Variants in EZH1 observed in about 807,000 individuals in gnomAD.
EZH1 encodes enhancer of zeste 1 polycomb repressive complex 2 subunit.
Under a neutral mutation model 100.5 loss-of-function variants are expected in EZH1, and 33 were observed. The ratio of observed to expected loss-of-function variants is 0.33; its 90% CI spans 0.25 to 0.44. EZH1 has a LOEUF of 0.44. Among genes scored for constraint, EZH1 ranks in the 20% least tolerant of loss-of-function variants. The pLI, the probability that EZH1 is intolerant of heterozygous loss-of-function variation, is 1.00. For missense variants in EZH1, 475 were observed against 928.4 expected (o/e 0.51, Z 6.35); for synonymous variants, 272 against 313.8 (o/e 0.87, Z 1.41).
intron 11 of EZH1, 112 bp from the exon 12 acceptor site, chr17:42,712,597 G>T: frequency 9.1e-7 from 1 of 1,093,508 alleles, no homozygotes; most frequent in Non-Finnish European, 1.3e-6. Flanking sequence ...GAACAGTTAG[G>T]AATGAAAATA....
At chr17:42,709,130 C>A in intron 13 of EZH1, 1 of 585,234 alleles carries the variant, frequency 1.7e-6, no homozygotes, top group Non-Finnish European at 3.1e-6. Flanking sequence ...AAACACAACC[C>A]CTCCCAAACA....
At chr17:42,734,540 T>A (rs1010097464) in intron 1 of EZH1, among the ~76,000 whole-genome samples, 1 of 151,828 alleles carries the variant, frequency 6.6e-6, no homozygotes. Context: ...AGCCTGTGCC[T>A]GCAGTCAGTC....
At position 42,701,926 on chromosome 17, in the gene EZH1, T is replaced by A. The variant is rs1341004910; in HGVS notation, c.*606A>T. 1 of 152,180 alleles carries A rather than the reference T, an allele frequency of 6.6e-6. No homozygotes were observed. The highest frequency in any genetic ancestry group is 2.4e-5 in the African/African-American group (1 of 41,380). The allele number at this position is 152,180 out of a possible 1,614,324, so 9.4% of individuals were successfully genotyped here. A position where few individuals can be genotyped will look rare whatever the true frequency, so the allele number is the denominator to read the frequency against. On this transcript the variant is annotated 3_prime_UTR_variant, in exon 21 of 21. Transcript: ENST00000428826. ...TAGCTTTCCTTCCCCCAGCCTTGAATGCCTGTACTTAGAACCCACACTCTT... is the reference window on the plus strand; with the variant it reads ...TAGCTTTCCTTCCCCCAGCCTTGAAAGCCTGTACTTAGAACCCACACTCTT...
intron 14 of EZH1, among the ~76,000 whole-genome samples, chr17:42,708,512 A>G (rs2053407770): frequency 6.6e-6 from 1 of 152,084 alleles, no homozygotes; most frequent in Non-Finnish European, 1.5e-5. Context: ...AAAATTAGCC[A>G]GGCATGGTGG....
chr17:42,724,447 G>C, intron 4 of EZH1, 23 bp from the exon 5 acceptor site: 1 of 1,611,396 alleles, frequency 6.2e-7, no homozygotes, highest in Non-Finnish European at 8.5e-7. Flanking sequence ...CAATGACATG[G>C]AGAGGGAAAG....
intron 10 of EZH1, chr17:42,714,645 T>C: frequency 3.6e-6 from 1 of 278,556 alleles, no homozygotes; most frequent in South Asian, 3.8e-5. Flanking sequence ...AAAGCTCAAT[T>C]TAAAAATGAA....
At position 42,706,110 on chromosome 17, in the gene EZH1, C is replaced by T; in HGVS notation, c.1736G>A (p.Arg579Gln). 1 of 1,614,084 alleles carries T rather than the reference C, an allele frequency of 6.2e-7. No individual in the cohort carries two copies. Among genetic ancestry groups the T allele is most frequent in the Non-Finnish European group, 8.5e-7 (1 of 1,180,018 alleles). The change falls in exon 16 of 21, where the codon CGA becomes CAA. Residue 579 changes from arginine to glutamine, a missense_variant. By Grantham distance (43) the Arg-to-Gln change is conservative. This residue lies in a region of EZH1 where 17 missense variants were observed against 75.8 expected (regional missense o/e 0.22). Coordinates refer to ENST00000428826, the MANE Select transcript of EZH1 (RefSeq NM_001991.5). This position sits in a 1 kb window ranked among gnomAD's most constrained non-coding sequence, Gnocchi z 4.4. Reference sequence around the variant, plus strand: ...GAGACACAGGTCAGGGTCACATTCTCGCACTGCCAGATAGCAAGGACATTG... The same window carrying T: ...GAGACACAGGTCAGGGTCACATTCTTGCACTGCCAGATAGCAAGGACATTG... The part of the protein sequence containing the change: ...TKQCPCYLAV[R>Q]ECDPDLCLTC...
chr17:42,708,578 C>T (rs1382547158), intron 14 of EZH1, among the ~76,000 whole-genome samples: 1 of 152,180 alleles, frequency 6.6e-6, no homozygotes, highest in African/African-American at 2.4e-5. Context: ...TTGCTTGAAC[C>T]CGGGAGGCGG....
At chr17:42,736,765 C>T (rs12452287) in intron 1 of EZH1, among the ~76,000 whole-genome samples, 53,977 of 151,726 alleles carry the variant, frequency 0.36, 11,816 homozygotes, top group Non-Finnish European at 0.5. Context: ...CCTAGCAGGG[C>T]AGAGATTGCA....
At chr17:42,736,671 C>T (rs953690270) in intron 1 of EZH1, among the ~76,000 whole-genome samples, 2 of 151,890 alleles carry the variant, frequency 1.3e-5, no homozygotes, top group South Asian at 2.1e-4. Context: ...CTCATCTCTA[C>T]AAAAATACAA....
Position 42,701,544 on chromosome 17 carries a change from T to C in EZH1, c.*988A>G, listed in dbSNP as rs2053240329. The C allele has an allele frequency of 6.5e-6, 1 of 152,836 alleles. No homozygotes were observed. The highest frequency in any genetic ancestry group is 1.5e-5 in the Non-Finnish European group (1 of 68,078). The allele number at this position is 152,836 out of a possible 1,614,324, so 9.5% of individuals were successfully genotyped here. A position where few individuals can be genotyped will look rare whatever the true frequency, so the allele number is the denominator to read the frequency against. ...TTACACCAATCTTTCTCCTCTCTAGTCCAAGCCTGTGCCCACCTACCCTGA... is the reference window on the plus strand; with the variant it reads ...TTACACCAATCTTTCTCCTCTCTAGCCCAAGCCTGTGCCCACCTACCCTGA... On this transcript the variant is annotated 3_prime_UTR_variant, in exon 21 of 21. Coordinates refer to ENST00000428826, the MANE Select transcript of EZH1 (RefSeq NM_001991.5).
Position 42,718,368 on chromosome 17 carries a change from T to C in EZH1, c.931+86A>G, listed in dbSNP as rs960875564. On this transcript the variant is annotated intron_variant, in intron 9 of 20. Transcript: ENST00000428826. The surrounding 1 kb of genome is among the most constrained non-coding windows in gnomAD (Gnocchi z 4.2). ...ACGTTAGAACAGAAGCCAGGAACTC[T>C]ATACGAGAAACCAGAACAAAGAGAA... 2 of 1,544,310 alleles carry C rather than the reference T, an allele frequency of 1.3e-6. No individual in the cohort carries two copies. The highest frequency in any genetic ancestry group is 1.8e-6 in the Non-Finnish European group (2 of 1,137,264).
At chr17:42,709,062 AC>A in intron 13 of EZH1, 146 bp from the exon 14 acceptor site, 1 of 815,592 alleles carries the variant, frequency 1.2e-6, no homozygotes. Context: ...CGACTTTGGT[AC>A]ACAGAAGCTA....
chr17:42,707,929 A>G, intron 15 of EZH1, 29 bp downstream of exon 15: 2 of 1,613,082 alleles, frequency 1.2e-6, no homozygotes, highest in Non-Finnish European at 1.7e-6. Flanking sequence ...CTGTTTTGGT[A>G]GACTATACAG....
chr17:42,721,111 A>G (rs954356932), intron 6 of EZH1, among the ~76,000 whole-genome samples: 32 of 152,374 alleles, frequency 2.1e-4, no homozygotes, highest in African/African-American at 7.7e-4. Context: ...TGGGTCAGTA[A>G]TGACGTCTCT....
At chr17:42,724,249 T>A in intron 5 of EZH1, 56 bp downstream of exon 5, 1 of 1,599,458 alleles carries the variant, frequency 6.3e-7, no homozygotes, top group Non-Finnish European at 8.6e-7. Context: ...CTCTGGCATA[T>A]CAACATAACA....
chr17:42,712,894 C>T (rs1051433546), intron 11 of EZH1, among the ~76,000 whole-genome samples: 3 of 151,900 alleles, frequency 2.0e-5, no homozygotes, highest in African/African-American at 4.8e-5. Context: ...AAAAATTAGC[C>T]GGGCGTGGTG....
rs934372809 is a variant in EZH1 at position 42,739,595 on chromosome 17, T to C, written c.-103+5416A>G. 7.3e-5 allele frequency among the ~76,000 whole-genome samples: 11 copies of C among 151,608 alleles called. No individual in the cohort carries two copies. The South Asian group carries it at 8.4e-4, about 12-fold the overall frequency. ...ATACAAAATTAGCCGGGCATGGTGG[T>C]GGATGCCTGTAATCCCAGCTACTCG... is the stretch of plus-strand genomic sequence containing the variant. On this transcript the variant is annotated intron_variant, in intron 1 of 20. Transcript: ENST00000428826.
intron 17 of EZH1, among the ~76,000 whole-genome samples, 187 bp downstream of exon 17, chr17:42,704,901 G>C (rs1473335888): frequency 6.6e-6 from 1 of 152,218 alleles, no homozygotes; most frequent in Non-Finnish European, 1.5e-5. Flanking sequence ...CTTGTGTCTG[G>C]AGTTGCCAAA....
Sources: allele counts gnomAD v4.1 joint callset (sites outside exome capture counted in the v4.1 genomes callset), GRCh38; gene constraint gnomAD v4.1.1; regional missense constraint gnomAD v4.1.1; non-coding constraint Gnocchi (gnomAD v3.1); transcripts MANE v1.5; gene names NCBI Gene and HGNC (gene_info 2026-07-23, HGNC 2026-07-21).